Variants in NAALAD2 observed in about 807,000 individuals in gnomAD.
The protein encoded by NAALAD2 is N-acetylated-alpha-linked acidic dipeptidase 2.
NAALAD2 carries 89 observed loss-of-function variants against 95.6 expected under a neutral mutation model. The observed-to-expected ratio is 0.93, with a 90% confidence interval of 0.78 to 1.11. The LOEUF is 1.11. Among genes scored for constraint, NAALAD2 ranks in the 50% least tolerant of loss-of-function variants. The pLI, the probability that NAALAD2 is intolerant of heterozygous loss-of-function variation, is 0.00. For synonymous variants in NAALAD2, 264 were observed against 294.4 expected (o/e 0.90, Z 1.06); for missense variants, 894 against 872.4 (o/e 1.02, Z -0.31).
chr11:90,154,030 CCTCT>C (rs57531442), intron 6 of NAALAD2, among the ~76,000 whole-genome samples: 34,251 of 148,214 alleles, frequency 0.23, 4,209 homozygotes, highest in East Asian at 0.4. Flanking sequence ...GCCCTTCCTT[CCTCT>C]CTCTCTCTCT....
chr11:90,170,064 TTCAGGCAATTATACTC>T lies in NAALAD2; in HGVS notation c.1343_1358del (p.Gly448GlufsTer11). ...ATAATACTCTGTGTCTTATTTATTT[TTCAGGCAATTATACTC>T]TCAGAGTTGACTGTACTCCCCTTCT... is the stretch of plus-strand genomic sequence containing the variant. On this transcript the variant is annotated splice_acceptor_variant and splice_polypyrimidine_tract_variant and coding_sequence_variant and intron_variant, in exon 13 of 19. Transcript: ENST00000534061. LOFTEE classifies it high-confidence loss of function. 6.5e-7 allele frequency: 1 copy of T among 1,542,306 alleles called. No homozygotes were observed. The highest frequency in any genetic ancestry group is 9.0e-7 in the Non-Finnish European group (1 of 1,115,114).
At chr11:90,177,518 G>A (rs113985054) in intron 15 of NAALAD2, among the ~76,000 whole-genome samples, 81 of 141,302 alleles carry the variant, frequency 5.7e-4, no homozygotes, top group African/African-American at 1.9e-3. Context: ...TAGTGTTTTC[G>A]TTATTAGCGT....
At position 90,176,013 on chromosome 11, in the gene NAALAD2, T is replaced by A. The variant is rs145386660; in HGVS notation, c.1544T>A (p.Phe515Tyr). 5.0e-6 allele frequency: 8 copies of A among 1,613,784 alleles called. No homozygotes were observed. The highest frequency in any genetic ancestry group is 6.8e-6 in the Non-Finnish European group (8 of 1,179,974). ...TCTGGAAGTGACTTTGAAGCTTATT[T>A]TCAGAGACTTGGAATTGCTTCAGGC... ...LGSGSDFEAY[F>Y]QRLGIASGRA... Residue 515 changes from phenylalanine (F) to tyrosine (Y), a missense_variant, in exon 15 of 19, where the codon TTT becomes TAT. Coordinates refer to ENST00000534061, the MANE Select transcript of NAALAD2 (RefSeq NM_005467.4).
intron 4 of NAALAD2, 22 bp from the exon 5 acceptor site, chr11:90,150,460 A>T: frequency 6.7e-7 from 1 of 1,496,850 alleles, no homozygotes; most frequent in Non-Finnish European, 9.1e-7. Flanking sequence ...GCAGTATTAT[A>T]TATATTTTCT....
chr11:90,169,994 A>ATTTTC, intron 12 of NAALAD2, 75 bp from the exon 13 acceptor site: 1 of 916,438 alleles, frequency 1.1e-6, no homozygotes, highest in South Asian at 1.4e-5. Flanking sequence ...AAATTAGAAA[A>ATTTTC]TAAAGTTAGA....
intron 16 of NAALAD2, 136 bp downstream of exon 16, chr11:90,178,253 CTT>C: frequency 1.0e-6 from 1 of 992,084 alleles, no homozygotes; most frequent in East Asian, 2.4e-5. Flanking sequence ...TACACAAAAA[CTT>C]AAAACAAACA....
chr11:90,137,297 T>G (rs554944545), intron 2 of NAALAD2, among the ~76,000 whole-genome samples: 2 of 152,230 alleles, frequency 1.3e-5, no homozygotes, highest in Non-Finnish European at 2.9e-5. Flanking sequence ...TAGTATTACA[T>G]AGCACAATAG....
At chr11:90,167,395 C>G (rs893068620) in intron 11 of NAALAD2, among the ~76,000 whole-genome samples, 1 of 152,212 alleles carries the variant, frequency 6.6e-6, no homozygotes, top group Non-Finnish European at 1.5e-5. Context: ...GCAGGGCTTC[C>G]GACCTGCAGC....
chr11:90,146,822 A>G (rs983160689), intron 2 of NAALAD2, among the ~76,000 whole-genome samples: 1 of 152,224 alleles, frequency 6.6e-6, no homozygotes, highest in African/African-American at 2.4e-5. Context: ...GTAAAAGGCA[A>G]GAACTAAGCA....
chr11:90,185,024 C>G (rs985555762), intron 18 of NAALAD2, among the ~76,000 whole-genome samples: 2 of 152,042 alleles, frequency 1.3e-5, no homozygotes, highest in Non-Finnish European at 2.9e-5. Flanking sequence ...TTGTATATGT[C>G]ATATGCAAAT....
At chr11:90,133,022 T>C (rs891370771), upstream of NAALAD2, among the ~76,000 whole-genome samples, 4 of 152,156 alleles carry the variant, frequency 2.6e-5, no homozygotes, top group Non-Finnish European at 4.4e-5. Flanking sequence ...AATAAGTTAT[T>C]AGGCATACCT....
chr11:90,158,265 T>C, intron 7 of NAALAD2, 27 bp downstream of exon 7: 1 of 1,526,172 alleles, frequency 6.6e-7, no homozygotes, highest in African/African-American at 1.4e-5. Context: ...GGATATGAGA[T>C]TAAGATATTT....
At chr11:90,140,382 T>A (rs1673234242) in intron 2 of NAALAD2, among the ~76,000 whole-genome samples, 1 of 152,170 alleles carries the variant, frequency 6.6e-6, no homozygotes, top group African/African-American at 2.4e-5. Flanking sequence ...AATAGATTCA[T>A]GTTATTTTAA....
chr11:90,185,237 T>A (rs1857100351), intron 18 of NAALAD2, among the ~76,000 whole-genome samples: 1 of 151,862 alleles, frequency 6.6e-6, no homozygotes, highest in African/African-American at 2.4e-5. Flanking sequence ...CAATTTTTAT[T>A]TACATAAACA....
intron 13 of NAALAD2, 34 bp downstream of exon 13, chr11:90,170,170 T>A (rs1952593271): frequency 5.7e-6 from 7 of 1,218,920 alleles, no homozygotes; most frequent in Non-Finnish European, 8.5e-6. Flanking sequence ...TATGTTCTCT[T>A]TTGAATGGAT....
intron 15 of NAALAD2, among the ~76,000 whole-genome samples, chr11:90,177,607 T>G (rs1591018946): frequency 4.2e-5 from 4 of 94,472 alleles, no homozygotes; most frequent in African/African-American, 1.7e-4. Context: ...TTTTTTTTTT[T>G]TTTTTTTTTT....
chr11:90,149,172 G>A (rs1029631828), intron 4 of NAALAD2, 65 bp downstream of exon 4: 18 of 1,023,828 alleles, frequency 1.8e-5, no homozygotes, highest in Non-Finnish European at 2.3e-5. Context: ...AAACCTGTAT[G>A]GAGGACTAAA....
At chr11:90,179,700 A>G (rs2134976901) in intron 16 of NAALAD2, among the ~76,000 whole-genome samples, 1 of 152,242 alleles carries the variant, frequency 6.6e-6, no homozygotes, top group African/African-American at 2.4e-5. Context: ...TTGTCTTCCT[A>G]AATTCCCTGA....
intron 17 of NAALAD2, 136 bp from the exon 18 acceptor site, chr11:90,182,780 C>G (rs562359451): frequency 1.7e-6 from 1 of 585,748 alleles, no homozygotes; most frequent in Non-Finnish European, 3.0e-6. Context: ...TAAAGCATTA[C>G]TGTGTTAATA....
Sources: gnomAD v4.1 joint callset for allele counts (sites outside exome capture counted in the v4.1 genomes callset) on GRCh38, gnomAD v4.1.1 for gene constraint, MANE v1.5 for transcripts, NCBI Gene and HGNC (gene_info 2026-07-23, HGNC 2026-07-21) for gene names.